The following SH3RF3 variants were observed in gnomAD, a reference collection of about 807,000 sequenced individuals.
SH3RF3 encodes SH3 domain containing ring finger 3.
Under a neutral mutation model 66.3 loss-of-function variants are expected in SH3RF3, and 29 were observed. The observed-to-expected ratio is 0.44, with a 90% CI of 0.33 to 0.60. SH3RF3 has a LOEUF of 0.60. Among genes scored for constraint, SH3RF3 ranks in the 20% least tolerant of loss-of-function variants. The pLI is 0.04. For missense variants in SH3RF3, 1,194 were observed against 1,190.9 expected (o/e 1.00, Z -0.04); for synonymous variants, 583 against 532.0 (o/e 1.10, Z -1.32).
chr2:109,166,459 G>GGAA lies in SH3RF3; in HGVS notation c.573+36346_573+36347insGAA, dbSNP rs575283304. 9.7e-3 allele frequency among the ~76,000 whole-genome samples: 1,304 copies of GGAA among 134,298 alleles called. 34 individuals carry two copies. Among genetic ancestry groups the GGAA allele is most frequent in the African/African-American group, 0.034 (1,230 of 36,210 alleles). 88.1% of individuals were successfully genotyped at this position (134,298 alleles called of 152,430 possible). A position where few individuals can be genotyped will look rare whatever the true frequency, so the allele number is the denominator to read the frequency against. ...GCCACTGTACTCCAGCCTGGTGACA[G>GGAA]AAAAAAAAAAAAAAAGAAAGAAAGA... On this transcript the variant is annotated intron_variant, in intron 1 of 9. Coordinates refer to ENST00000309415, the MANE Select transcript of SH3RF3 (RefSeq NM_001099289.3).
chr2:109,207,822 TA>T (rs1370612449), intron 1 of SH3RF3, among the ~76,000 whole-genome samples: 16 of 152,224 alleles, frequency 1.1e-4, no homozygotes, highest in Admixed American at 5.9e-4. Context: ...TTTTCTTTTT[TA>T]AAAAAAATTA....
chr2:109,493,281 A>G (rs1679178125), intron 9 of SH3RF3, among the ~76,000 whole-genome samples: 1 of 137,084 alleles, frequency 7.3e-6, no homozygotes, highest in Non-Finnish European at 1.6e-5. Context: ...CACGTACACC[A>G]TAGAAACACA....
chr2:109,175,764 A>C (rs546174805), intron 1 of SH3RF3, among the ~76,000 whole-genome samples: 1 of 152,340 alleles, frequency 6.6e-6, no homozygotes, highest in East Asian at 1.9e-4. Flanking sequence ...ATTGTAATCT[A>C]TTGGCTTCAA....
At chr2:109,434,049 T>G (rs1677329703) in intron 6 of SH3RF3, among the ~76,000 whole-genome samples, 1 of 152,182 alleles carries the variant, frequency 6.6e-6, no homozygotes, top group Non-Finnish European at 1.5e-5. Flanking sequence ...ACAGGTTGGC[T>G]CTCTCAGCCT....
chr2:109,208,111 A>T (rs1252628280), intron 1 of SH3RF3, among the ~76,000 whole-genome samples: 4 of 152,256 alleles, frequency 2.6e-5, no homozygotes, highest in Admixed American at 6.5e-5. Context: ...TCAGACACAC[A>T]TGCTGCTGCC....
chr2:109,499,734 A>T (rs1320835459), intron 9 of SH3RF3, among the ~76,000 whole-genome samples: 1 of 152,098 alleles, frequency 6.6e-6, no homozygotes, highest in Non-Finnish European at 1.5e-5. Flanking sequence ...GGCTTGCAGG[A>T]TGGGTGTGGG....
chr2:109,441,939 G>A (rs553281358), intron 7 of SH3RF3, among the ~76,000 whole-genome samples: 1 of 135,464 alleles, frequency 7.4e-6, no homozygotes, highest in Non-Finnish European at 1.6e-5. Context: ...TCTACTCCCA[G>A]CAAAAATATC....
At chr2:109,402,976 G>A (rs1157594923) in intron 4 of SH3RF3, among the ~76,000 whole-genome samples, 1 of 152,188 alleles carries the variant, frequency 6.6e-6, no homozygotes, top group Admixed American at 6.5e-5. Context: ...CCAACGCATC[G>A]ACTGCAGTTG....
chr2:109,220,004 T>A (rs1335815006), intron 1 of SH3RF3, among the ~76,000 whole-genome samples: 3 of 152,210 alleles, frequency 2.0e-5, no homozygotes, highest in Non-Finnish European at 4.4e-5. Flanking sequence ...GTTGGAAGAC[T>A]CACACTTCCT....
chr2:109,288,120 G>A lies in SH3RF3; in HGVS notation c.574-59554G>A, dbSNP rs527923325. On this transcript the variant is annotated intron_variant, in intron 1 of 9. Transcript: ENST00000309415. Reference sequence around the variant, plus strand: ...GTTGTCTTGTTTGCCCACAAGACAAGGCTATCAGGAAAATGCTGTGAACCT... The same window carrying A: ...GTTGTCTTGTTTGCCCACAAGACAAAGCTATCAGGAAAATGCTGTGAACCT... 1.4e-4 allele frequency among the ~76,000 whole-genome samples: 22 copies of A among 152,306 alleles called. No homozygotes were observed. The South Asian group carries it at 4.6e-3, about 32-fold the overall frequency.
intron 4 of SH3RF3, among the ~76,000 whole-genome samples, chr2:109,412,704 C>T (rs1420477132): frequency 6.6e-6 from 1 of 152,238 alleles, no homozygotes; most frequent in African/African-American, 2.4e-5. Flanking sequence ...TGTTATTCTT[C>T]TCATACCACT....
rs116168188 is a variant in SH3RF3 at position 109,365,428 on chromosome 2, C to T, written c.850-6158C>T. Reference sequence around the variant, plus strand: ...ATTTCTGGTATTTCCCTATTGATCTCTTCAATTTGGGGGGCAGCAGTTTGC... The same window carrying T: ...ATTTCTGGTATTTCCCTATTGATCTTTTCAATTTGGGGGGCAGCAGTTTGC... On this transcript the variant is annotated intron_variant, in intron 2 of 9. Coordinates refer to ENST00000309415, the MANE Select transcript of SH3RF3 (RefSeq NM_001099289.3). 5.9e-3 allele frequency among the ~76,000 whole-genome samples: 895 copies of T among 152,314 alleles called. 6 individuals are homozygous for T. Among genetic ancestry groups the T allele is most frequent in the African/African-American group, 0.02 (819 of 41,572 alleles).
At chr2:109,237,160 A>G (rs184703743) in intron 1 of SH3RF3, among the ~76,000 whole-genome samples, 6 of 152,336 alleles carry the variant, frequency 3.9e-5, no homozygotes, top group Admixed American at 3.3e-4. Context: ...TAAAGAGTTA[A>G]TATTTGTAAT....
At chr2:109,170,256 T>TCTCTTCTCTTCTC (rs1677735545) in intron 1 of SH3RF3, among the ~76,000 whole-genome samples, 1 of 30,732 alleles carries the variant, frequency 3.3e-5, no homozygotes, top group African/African-American at 1.0e-4. Flanking sequence ...TCTCTTCTCT[T>TCTCTTCTCTTCTC]CTCTTCTCTT....
At position 109,203,626 on chromosome 2, in the gene SH3RF3, G is replaced by A. The variant is rs139700158; in HGVS notation, c.573+73513G>A. ...ACTTTCCCTTTGCACGACAAGCATC[G>A]TGGCCCTGTCTCTGTGCACCCCATG... On this transcript the variant is annotated intron_variant, in intron 1 of 9. Transcript: ENST00000309415. Among the ~76,000 whole-genome samples, 1,084 of 152,172 alleles carry A rather than the reference G, an allele frequency of 7.1e-3. 9 individuals carry two copies. Among genetic ancestry groups the A allele is most frequent in the South Asian group, 0.022 (107 of 4,832 alleles).
chr2:109,201,520 C>T (rs1286519943), intron 1 of SH3RF3, among the ~76,000 whole-genome samples: 1 of 152,196 alleles, frequency 6.6e-6, no homozygotes. Flanking sequence ...CTTGCTGTCT[C>T]CTGCTAGGGT....
chr2:109,348,216 C>A (rs1682761452), intron 2 of SH3RF3, among the ~76,000 whole-genome samples: 1 of 152,184 alleles, frequency 6.6e-6, no homozygotes, highest in Non-Finnish European at 1.5e-5. Context: ...ATAATATAAG[C>A]CTCCATCAGC....
chr2:109,300,441 A>C (rs1006379771), intron 1 of SH3RF3, among the ~76,000 whole-genome samples: 2 of 152,096 alleles, frequency 1.3e-5, no homozygotes, highest in African/African-American at 4.8e-5. Flanking sequence ...CAGTGTCCCA[A>C]AGTGCTGGGA....
At chr2:109,387,394 G>A (rs1559055582) in intron 3 of SH3RF3, among the ~76,000 whole-genome samples, 1 of 152,162 alleles carries the variant, frequency 6.6e-6, no homozygotes, top group Non-Finnish European at 1.5e-5. Context: ...AGAAGCTTCA[G>A]CACTAGTTGA....
Sources: gnomAD v4.1 joint callset for allele counts (sites outside exome capture counted in the v4.1 genomes callset) on GRCh38, gnomAD v4.1.1 for gene constraint, MANE v1.5 for transcripts, NCBI Gene and HGNC (gene_info 2026-07-23, HGNC 2026-07-21) for gene names.